The following ELAVL2 variants were observed in gnomAD, a reference collection of about 807,000 sequenced individuals.
The protein encoded by ELAVL2 is ELAV like RNA binding protein 2, also known as ELAV-like protein 2.
Under a neutral mutation model 34.6 loss-of-function variants are expected in ELAVL2, and 4 were observed. That is an observed-to-expected ratio of 0.12 (90% CI 0.06 to 0.26). The LOEUF is 0.26. Ranked by LOEUF, ELAVL2 falls within the 10% of genes least tolerant of loss-of-function variation. ELAVL2 has a pLI of 1.00. For missense variants in ELAVL2, 432 were observed against 442.8 expected (o/e 0.98, Z 0.22); for synonymous variants, 193 against 154.8 (o/e 1.25, Z -1.83).
intron 1 of ELAVL2, among the ~76,000 whole-genome samples, chr9:23,798,336 G>A (rs1000309779): frequency 6.6e-6 from 1 of 152,208 alleles, no homozygotes; most frequent in African/African-American, 2.4e-5. Context: ...TGTGCACTCT[G>A]AAGCCAGACT....
intron 1 of ELAVL2, among the ~76,000 whole-genome samples, chr9:23,809,585 G>A (rs1193207055): frequency 1.3e-5 from 2 of 152,088 alleles, no homozygotes; most frequent in East Asian, 1.9e-4. Flanking sequence ...ACTTACATAT[G>A]CAAATAATTT....
At chr9:23,782,993 G>A (rs1167755687) in intron 1 of ELAVL2, among the ~76,000 whole-genome samples, 10 of 152,262 alleles carry the variant, frequency 6.6e-5, no homozygotes, top group Non-Finnish European at 1.3e-4. Flanking sequence ...TCTCCCATTT[G>A]AGAGCTCAGC....
At chr9:23,737,631 T>G (rs1322283238) in intron 2 of ELAVL2, among the ~76,000 whole-genome samples, 2 of 152,180 alleles carry the variant, frequency 1.3e-5, no homozygotes, top group East Asian at 1.9e-4. Flanking sequence ...AAATGCAGAG[T>G]GAATTCTGTA....
chr9:23,772,844 C>T (rs753846930), intron 1 of ELAVL2, among the ~76,000 whole-genome samples: 4 of 152,138 alleles, frequency 2.6e-5, no homozygotes, highest in Non-Finnish European at 5.9e-5. Flanking sequence ...TTTAGAGACA[C>T]AACTATGTTT....
chr9:23,774,213 C>CAAAAAAAA (rs57247631), intron 1 of ELAVL2, among the ~76,000 whole-genome samples: 36 of 61,384 alleles, frequency 5.9e-4, no homozygotes, highest in East Asian at 1.1e-3. Context: ...GACTCCATCT[C>CAAAAAAAA]AAAAAAAAAA....
At chr9:23,787,370 T>C (rs2059820888) in intron 1 of ELAVL2, among the ~76,000 whole-genome samples, 1 of 151,738 alleles carries the variant, frequency 6.6e-6, no homozygotes, top group Admixed American at 6.6e-5. Context: ...TAGCTAGGAT[T>C]ACAGGCACCC....
chr9:23,849,008 GCAAAACAGGC>G, the ELAVL2 span, among the ~76,000 whole-genome samples: 191 of 152,224 alleles, frequency 1.3e-3, no homozygotes, highest in African/African-American at 4.5e-3. Flanking sequence ...TTTTAAAAGT[GCAAAACAGGC>G]CAAACAATGT....
intron 3 of ELAVL2, among the ~76,000 whole-genome samples, chr9:23,728,299 G>A (rs2045741337): frequency 6.6e-6 from 1 of 152,124 alleles, no homozygotes; most frequent in Admixed American, 6.6e-5. Context: ...CTGAAGGACA[G>A]AATTCCTTTA....
chr9:23,702,104 C>T (rs1191237840), intron 4 of ELAVL2, among the ~76,000 whole-genome samples: 2 of 152,010 alleles, frequency 1.3e-5, no homozygotes, highest in African/African-American at 4.8e-5. Flanking sequence ...AAAGACATTT[C>T]GGTTGAAATT....
At chr9:23,699,812 GTTTTTTTTTTTTTTTTTTTTTTT>G (rs199637833) in intron 5 of ELAVL2, among the ~76,000 whole-genome samples, 16,543 of 83,288 alleles carry the variant, frequency 0.2, 1,475 homozygotes, top group East Asian at 0.27. Context: ...GGTGGCAAAG[GTTTTTTTTTTTTTTTTTTTTTTT>G]TTTTTTTTTT....
chr9:23,826,530 G>A (rs898628187), upstream of ELAVL2, among the ~76,000 whole-genome samples: 2 of 152,220 alleles, frequency 1.3e-5, no homozygotes, highest in African/African-American at 4.8e-5. Flanking sequence ...AAGTTGTGCG[G>A]GGAGGTACAC....
At chr9:23,734,593 C>T (rs775263669) in intron 2 of ELAVL2, among the ~76,000 whole-genome samples, 1 of 152,144 alleles carries the variant, frequency 6.6e-6, no homozygotes, top group African/African-American at 2.4e-5. Context: ...TGAATAATAA[C>T]GTAACCAGGC....
At chr9:23,742,326 C>G (rs554186995) in intron 2 of ELAVL2, among the ~76,000 whole-genome samples, 1 of 152,328 alleles carries the variant, frequency 6.6e-6, no homozygotes, top group Non-Finnish European at 1.5e-5. Flanking sequence ...GTGTTAATAA[C>G]TACCACAGTA....
At chr9:23,705,987 C>T (rs1181815051) in intron 3 of ELAVL2, among the ~76,000 whole-genome samples, 1 of 152,104 alleles carries the variant, frequency 6.6e-6, no homozygotes, top group African/African-American at 2.4e-5. Context: ...AAAAATTCAC[C>T]CTTATCAGTA....
intron 1 of ELAVL2, among the ~76,000 whole-genome samples, chr9:23,820,902 G>C (rs1001007485): frequency 2.6e-5 from 4 of 152,214 alleles, no homozygotes; most frequent in Non-Finnish European, 5.9e-5. Context: ...GTGACCGCGA[G>C]CTGCGACCTC....
At chr9:23,780,145 T>C (rs1427044121) in intron 1 of ELAVL2, among the ~76,000 whole-genome samples, 1 of 151,938 alleles carries the variant, frequency 6.6e-6, no homozygotes, top group Non-Finnish European at 1.5e-5. Flanking sequence ...AGGTTGATTC[T>C]CTTTTCCAGG....
At position 23,762,082 on chromosome 9, in the gene ELAVL2, T is replaced by A; in HGVS notation, c.153A>T (p.Thr51=). The change falls in exon 2 of 7, where the codon ACA becomes ACT. Residue 51 remains threonine (T), a synonymous_variant. Coordinates refer to ENST00000397312, the MANE Select transcript of ELAVL2 (RefSeq NM_004432.5). ...CAAAGAGACTCTTTAGTTCCTCCTGTGTCATGTTCTGAGGAAGGTAGTTGA... is the reference window on the plus strand; with the variant it reads ...CAAAGAGACTCTTTAGTTCCTCCTGAGTCATGTTCTGAGGAAGGTAGTTGA... The part of the protein sequence containing the change: ...LIVNYLPQNM[T]QEELKSLFGS... 1 of 1,613,502 alleles carries A rather than the reference T, an allele frequency of 6.2e-7. No homozygotes were observed.
intron 3 of ELAVL2, among the ~76,000 whole-genome samples, chr9:23,726,792 T>C (rs1243546815): frequency 1.4e-5 from 2 of 139,078 alleles, no homozygotes; most frequent in African/African-American, 5.5e-5. Context: ...CTTTAAGCCA[T>C]AAAAATTCCA....
intron 1 of ELAVL2, among the ~76,000 whole-genome samples, chr9:23,776,547 G>A (rs935102537): frequency 2.0e-5 from 3 of 152,030 alleles, no homozygotes; most frequent in Non-Finnish European, 2.9e-5. Context: ...TGTACCAAGC[G>A]CTGTGCTCAG....
Sources: allele counts gnomAD v4.1 joint callset (sites outside exome capture counted in the v4.1 genomes callset), GRCh38; gene constraint gnomAD v4.1.1; transcripts MANE v1.5; gene names NCBI Gene and HGNC (gene_info 2026-07-23, HGNC 2026-07-21).